Variants in CDKAL1 observed in about 807,000 individuals in gnomAD.
CDKAL1 encodes the protein CDKAL1 threonylcarbamoyladenosine tRNA methylthiotransferase.
In CDKAL1, 32 loss-of-function variants were observed where a neutral mutation model predicts 68.2. The observed-to-expected ratio is 0.47, with a 90% CI of 0.35 to 0.63. The LOEUF is 0.63. CDKAL1 is among the 30% of genes least tolerant of loss of function. The pLI, the probability that CDKAL1 is intolerant of heterozygous loss-of-function variation, is 0.00. For synonymous variants in CDKAL1, 234 were observed against 244.3 expected (o/e 0.96, Z 0.39); for missense variants, 606 against 696.7 (o/e 0.87, Z 1.47).
intron 10 of CDKAL1, among the ~76,000 whole-genome samples, chr6:20,978,308 G>C (rs531558174): frequency 3.3e-5 from 5 of 152,296 alleles, no homozygotes; most frequent in Admixed American, 2.0e-4. Context: ...CATGTGGCGG[G>C]TGTTTTTCTT....
chr6:20,972,869 A>G (rs1371707906), intron 10 of CDKAL1, among the ~76,000 whole-genome samples: 1 of 152,136 alleles, frequency 6.6e-6, no homozygotes, highest in Non-Finnish European at 1.5e-5. Flanking sequence ...ATGGGTTTTG[A>G]TGTTTTCACA....
At chr6:20,759,363 G>A (rs575237374) in intron 7 of CDKAL1, among the ~76,000 whole-genome samples, 7 of 152,074 alleles carry the variant, frequency 4.6e-5, no homozygotes, top group South Asian at 2.1e-4. Flanking sequence ...GCAACATGGC[G>A]AAACCTCATC....
chr6:21,059,174 AAGAAGCAG>A lies in CDKAL1; in HGVS notation c.1056-5873_1056-5866del, dbSNP rs1219880911. Among the ~76,000 whole-genome samples, 5 of 152,328 alleles carry A rather than the reference AAGAAGCAG, an allele frequency of 3.3e-5. No individual in the cohort carries two copies. The East Asian group carries it at 9.7e-4, about 29-fold the overall frequency. ...GAGGAATGGATCAGGGTCCCACCTA[AAGAAGCAG>A]TCTGGCCATGATCTGCCACAGCCAC... On this transcript the variant is annotated intron_variant, in intron 11 of 15. Transcript: ENST00000274695.
Position 20,955,605 on chromosome 6 carries a change from T to A in CDKAL1, c.909+20T>A. The A allele has an allele frequency of 6.2e-7, 1 of 1,611,688 alleles. No homozygotes were observed. Among genetic ancestry groups the A allele is most frequent in the South Asian group, 1.1e-5 (1 of 90,820 alleles). ...CTGGAGGTAAGGAAAAGCACCCTAT[T>A]TGCATGCTAACATAGACACTAACCA... On this transcript the variant is annotated intron_variant, in intron 10 of 15. Transcript: ENST00000274695.
intron 4 of CDKAL1, among the ~76,000 whole-genome samples, chr6:20,641,111 G>A (rs575520618): frequency 2.0e-5 from 3 of 152,218 alleles, no homozygotes; most frequent in South Asian, 4.1e-4. Flanking sequence ...GGTTCGGTGA[G>A]TCCAAAAGCT....
At chr6:20,801,448 A>T (rs1776360275) in intron 8 of CDKAL1, among the ~76,000 whole-genome samples, 1 of 152,208 alleles carries the variant, frequency 6.6e-6, no homozygotes, top group African/African-American at 2.4e-5. Context: ...TACCATCTTT[A>T]TTATGTCATA....
chr6:20,762,084 AT>A (rs1219278356), intron 7 of CDKAL1, among the ~76,000 whole-genome samples: 5 of 152,210 alleles, frequency 3.3e-5, no homozygotes, highest in African/African-American at 1.2e-4. Context: ...ACTCTAAAAA[AT>A]AAAATCTATT....
chr6:20,656,231 A>C (rs1769019226), intron 5 of CDKAL1, among the ~76,000 whole-genome samples: 1 of 152,334 alleles, frequency 6.6e-6, no homozygotes, highest in Admixed American at 6.5e-5. Flanking sequence ...GAATTGAGGC[A>C]GATATCAAAG....
At chr6:20,577,910 G>A (rs1337544539) in intron 4 of CDKAL1, among the ~76,000 whole-genome samples, 1 of 152,174 alleles carries the variant, frequency 6.6e-6, no homozygotes, top group Non-Finnish European at 1.5e-5. Flanking sequence ...GTGGAAGAAT[G>A]AGCCAGTGAT....
intron 11 of CDKAL1, among the ~76,000 whole-genome samples, chr6:21,046,912 A>C (rs1770268324): frequency 6.6e-6 from 1 of 152,176 alleles, no homozygotes; most frequent in South Asian, 2.1e-4. Flanking sequence ...TCTCCACTTC[A>C]TCTCCTCCTC....
intron 9 of CDKAL1, among the ~76,000 whole-genome samples, chr6:20,902,358 C>CACACACACACACACAA (rs769859254): frequency 1.6e-4 from 4 of 25,486 alleles, no homozygotes; most frequent in African/African-American, 3.5e-4. Context: ...CACACACACA[C>CACACACACACACACAA]AATGTGTTTA....
chr6:20,885,364 A>T (rs1048620018), intron 9 of CDKAL1, among the ~76,000 whole-genome samples: 8 of 152,222 alleles, frequency 5.3e-5, no homozygotes, highest in African/African-American at 1.9e-4. Flanking sequence ...AAGTAAACCC[A>T]TACAACTGTA....
At chr6:20,930,615 T>C (rs1043665735) in intron 9 of CDKAL1, among the ~76,000 whole-genome samples, 3 of 152,232 alleles carry the variant, frequency 2.0e-5, no homozygotes, top group African/African-American at 7.2e-5. Context: ...ATTGTTACTT[T>C]AGTATCTTTC....
At chr6:20,615,798 GT>G (rs1766867698) in intron 4 of CDKAL1, among the ~76,000 whole-genome samples, 1 of 133,832 alleles carries the variant, frequency 7.5e-6, no homozygotes, top group African/African-American at 2.6e-5. Context: ...GATCCCATTT[GT>G]CAATTTTGGC....
intron 13 of CDKAL1, among the ~76,000 whole-genome samples, chr6:21,111,258 G>C (rs757787472): frequency 6.6e-6 from 1 of 152,118 alleles, no homozygotes; most frequent in Non-Finnish European, 1.5e-5. Context: ...GCCAAAAAAA[G>C]AATAGTCAGC....
intron 9 of CDKAL1, among the ~76,000 whole-genome samples, chr6:20,873,510 A>C (rs867675627): frequency 1.6e-4 from 25 of 152,224 alleles, no homozygotes; most frequent in African/African-American, 6.0e-4. Context: ...CCTATTTTAC[A>C]AATGAGACAC....
intron 4 of CDKAL1, among the ~76,000 whole-genome samples, chr6:20,610,721 G>A (rs1766582762): frequency 1.3e-5 from 2 of 151,720 alleles, no homozygotes; most frequent in Admixed American, 6.6e-5. Flanking sequence ...ATAAAAGGCA[G>A]GGAGACAATG....
intron 9 of CDKAL1, among the ~76,000 whole-genome samples, chr6:20,895,674 G>A (rs1478268837): frequency 1.3e-5 from 2 of 152,116 alleles, no homozygotes. Context: ...ATCAACAGTC[G>A]TGAGAAGTCT....
chr6:21,139,864 A>G (rs1010988808), intron 13 of CDKAL1, among the ~76,000 whole-genome samples: 4 of 152,210 alleles, frequency 2.6e-5, no homozygotes, highest in African/African-American at 9.7e-5. Flanking sequence ...GCAAATGAAA[A>G]TCTCATTAAT....
Sources: allele counts gnomAD v4.1 joint callset (sites outside exome capture counted in the v4.1 genomes callset), GRCh38; gene constraint gnomAD v4.1.1; transcripts MANE v1.5; gene names NCBI Gene and HGNC (gene_info 2026-07-23, HGNC 2026-07-21).